Variants in AMMECR1 observed in about 807,000 individuals in gnomAD.
AMMECR1 encodes nuclear protein AMMECR1.
Under a neutral mutation model 22.5 loss-of-function variants are expected in AMMECR1, and 3 were observed. That is an observed-to-expected ratio of 0.13 (90% CI 0.06 to 0.35). The LOEUF is 0.35. AMMECR1 is among the 10% of genes least tolerant of loss of function. The pLI is 1.00. For synonymous variants in AMMECR1, 130 were observed against 116.7 expected (o/e 1.11, Z -0.74); for missense variants, 235 against 278.7 (o/e 0.84, Z 1.12).
rs767745304 is a variant in AMMECR1 at position 110,333,623 on chromosome X, C to G, written c.-147-15774G>C. Among the ~76,000 whole-genome samples the G allele has an allele frequency of 2.9e-3, 320 of 111,808 alleles. 1 individual carries two copies. The highest frequency in any genetic ancestry group is 9.2e-3 in the African/African-American group (283 of 30,747). ...ATAAAGAAAATGTGGCACATATACACCATGGAATACTATGCAGCCATAAAA... is the reference window on the plus strand; with the variant it reads ...ATAAAGAAAATGTGGCACATATACAGCATGGAATACTATGCAGCCATAAAA... On this transcript the variant is annotated intron_variant, in intron 2 of 7. Transcript: ENST00000372057.
intron 1 of AMMECR1, among the ~76,000 whole-genome samples, chrX:110,431,504 T>G (rs1259949579): frequency 1.8e-5 from 2 of 108,762 alleles, no homozygotes; most frequent in Non-Finnish European, 3.8e-5. Flanking sequence ...ACAATTTGCC[T>G]GGTTCCAATT....
chrX:110,373,127 G>A (rs757123503), intron 2 of AMMECR1, among the ~76,000 whole-genome samples: 44 of 111,910 alleles, frequency 3.9e-4, no homozygotes, highest in Admixed American at 1.1e-3. Context: ...TAAGTAGGGA[G>A]TAAAACGTTT....
chrX:110,220,311 A>G (rs908614889), intron 2 of AMMECR1, among the ~76,000 whole-genome samples: 2 of 111,689 alleles, frequency 1.8e-5, no homozygotes, highest in African/African-American at 6.5e-5. Flanking sequence ...TTCTGATCTC[A>G]TACCTGTGGT....
intron 2 of AMMECR1, among the ~76,000 whole-genome samples, chrX:110,329,718 G>T: frequency 8.9e-6 from 1 of 112,003 alleles, no homozygotes; most frequent in Non-Finnish European, 1.9e-5. Flanking sequence ...AGGAATGATG[G>T]TGATGCCAAA....
upstream of AMMECR1, among the ~76,000 whole-genome samples, chrX:110,322,220 T>C (rs1335507300): frequency 8.9e-6 from 1 of 112,230 alleles, no homozygotes; most frequent in Non-Finnish European, 1.9e-5. Context: ...TTAGATATGC[T>C]AATATCTACT....
At chrX:110,244,122 A>T (rs2067646685) in intron 2 of AMMECR1, among the ~76,000 whole-genome samples, 1 of 111,510 alleles carries the variant, frequency 9.0e-6, no homozygotes, top group Admixed American at 9.5e-5. Context: ...CCTTTAGCTT[A>T]CTTTCCACAA....
intron 1 of AMMECR1, among the ~76,000 whole-genome samples, chrX:110,266,445 C>A (rs990578868): frequency 9.0e-6 from 1 of 110,971 alleles, no homozygotes; most frequent in South Asian, 3.8e-4. Context: ...TGCAGTGGTG[C>A]GATCTCAGCT....
chrX:110,360,843 G>A (rs1390765873), intron 2 of AMMECR1, among the ~76,000 whole-genome samples: 1 of 111,182 alleles, frequency 9.0e-6, no homozygotes, highest in African/African-American at 3.3e-5. Flanking sequence ...TGAATTGAGA[G>A]ACATTATACA....
chrX:110,408,662 T>A (rs182709682), intron 2 of AMMECR1, among the ~76,000 whole-genome samples: 2 of 112,265 alleles, frequency 1.8e-5, no homozygotes, highest in East Asian at 5.6e-4. Context: ...TTTCAGGAAA[T>A]CATGTCAACA....
intron 2 of AMMECR1, among the ~76,000 whole-genome samples, chrX:110,344,958 C>G (rs2068182078): frequency 1.8e-5 from 2 of 112,190 alleles, no homozygotes; most frequent in African/African-American, 6.5e-5. Flanking sequence ...GGATCTAGAA[C>G]TAGAGATACC....
chrX:110,341,927 C>T (rs757851457), intron 2 of AMMECR1, among the ~76,000 whole-genome samples: 1 of 110,593 alleles, frequency 9.0e-6, no homozygotes, highest in South Asian at 3.9e-4. Context: ...GGCATAGTGG[C>T]ACAGGCCTGT....
intron 2 of AMMECR1, among the ~76,000 whole-genome samples, chrX:110,350,964 C>T (rs2068209144): frequency 9.0e-6 from 1 of 110,783 alleles, no homozygotes; most frequent in Admixed American, 9.6e-5. Context: ...CAGAGTGAGA[C>T]CCTGTCTCAA....
chrX:110,239,261 G>C (rs1287895023), intron 2 of AMMECR1, among the ~76,000 whole-genome samples: 1 of 110,772 alleles, frequency 9.0e-6, no homozygotes. Flanking sequence ...CAAGATAAAG[G>C]AGCATGTTCT....
intron 2 of AMMECR1, among the ~76,000 whole-genome samples, chrX:110,242,419 C>G (rs2067638125): frequency 1.8e-5 from 2 of 111,440 alleles, no homozygotes; most frequent in African/African-American, 6.5e-5. Context: ...GAAATGCTAG[C>G]CAGTAAGTTT....
chrX:110,346,968 G>A (rs113468755), intron 2 of AMMECR1: 3 of 505,061 alleles, frequency 5.9e-6, no homozygotes, highest in Non-Finnish European at 3.6e-6. Context: ...GTGGGTCGGC[G>A]GGGCCGCTAA....
rs746039880 is a variant in AMMECR1 at position 110,268,906 on chromosome X, T to C, written c.474-4307A>G. 4.5e-5 allele frequency among the ~76,000 whole-genome samples: 5 copies of C among 111,643 alleles called. No homozygotes were observed. The South Asian group carries it at 1.1e-3, about 25-fold the overall frequency. On this transcript the variant is annotated intron_variant, in intron 1 of 5. Coordinates refer to ENST00000262844, the MANE Select transcript of AMMECR1 (RefSeq NM_015365.3). Reference sequence around the variant, plus strand: ...TATGGTTTGAGGCCACCTACATACATTGAAAAAATACTACAAACTAGAAGA... The same window carrying C: ...TATGGTTTGAGGCCACCTACATACACTGAAAAAATACTACAAACTAGAAGA...
chrX:110,303,395 A>G, intron 1 of AMMECR1, among the ~76,000 whole-genome samples: 1 of 111,800 alleles, frequency 8.9e-6, no homozygotes. Flanking sequence ...GTCTGTGAAA[A>G]ATGAAGTTGA....
intron 1 of AMMECR1, among the ~76,000 whole-genome samples, chrX:110,274,027 A>C (rs775617748): frequency 2.1e-4 from 24 of 111,816 alleles, no homozygotes; most frequent in African/African-American, 6.2e-4. Flanking sequence ...GAAAAATGAC[A>C]TTGGTAGTTT....
At chrX:110,435,381 T>C (rs2068831127) in intron 1 of AMMECR1, among the ~76,000 whole-genome samples, 1 of 112,321 alleles carries the variant, frequency 8.9e-6, no homozygotes, top group African/African-American at 3.2e-5. Context: ...TCAGTGCCAC[T>C]GACTGCGTCT....
Sources: allele counts gnomAD v4.1 joint callset (sites outside exome capture counted in the v4.1 genomes callset), GRCh38; gene constraint gnomAD v4.1.1; transcripts MANE v1.5; gene names NCBI Gene and HGNC (gene_info 2026-07-23, HGNC 2026-07-21).